RBFOX1: variants seen among roughly 807,000 people sequenced by gnomAD.
RBFOX1 encodes RNA binding protein fox-1 homolog 1.
In RBFOX1, 8 loss-of-function variants were observed where a neutral mutation model predicts 57.7. That is an observed-to-expected ratio of 0.14 (90% CI 0.08 to 0.25). RBFOX1 has a LOEUF of 0.25. Among genes scored for constraint, RBFOX1 ranks in the 10% least tolerant of loss-of-function variants. The probability of loss-of-function intolerance (pLI) is 1.00; values close to 1 mark genes in which losing one functional copy is unlikely to be tolerated. For missense variants in RBFOX1, 611 were observed against 548.5 expected, an observed-to-expected ratio of 1.11 and a Z score of -1.14; for synonymous variants, 326 against 222.4, an observed-to-expected ratio of 1.47 and a Z score of -4.15.
chr16:5,380,666 G>A (rs905554255), intron 1 of RBFOX1, among the ~76,000 whole-genome samples: 2 of 152,152 alleles, frequency 1.3e-5, no homozygotes, highest in African/African-American at 2.4e-5. Context: ...AGATATTTGA[G>A]GTACAGATGA....
intron 3 of RBFOX1, among the ~76,000 whole-genome samples, chr16:5,698,793 GC>G (rs1344568243): frequency 6.6e-6 from 1 of 152,064 alleles, no homozygotes; most frequent in East Asian, 1.9e-4. Flanking sequence ...ACTGAAATAG[GC>G]TACACCATGA....
chr16:5,397,659 T>C (rs1435535092), intron 1 of RBFOX1, among the ~76,000 whole-genome samples: 2 of 152,204 alleles, frequency 1.3e-5, no homozygotes, highest in Admixed American at 6.5e-5. Context: ...TGCTGTGGTT[T>C]AAAAGAGACT....
chr16:5,997,989 T>C (rs1256257584), intron 4 of RBFOX1, among the ~76,000 whole-genome samples: 2 of 152,214 alleles, frequency 1.3e-5, no homozygotes, highest in African/African-American at 4.8e-5. Flanking sequence ...AGCCGTAACA[T>C]TGGAGTTAAG....
At chr16:6,300,499 A>C (rs2078686111) in intron 1 of RBFOX1, among the ~76,000 whole-genome samples, 1 of 152,158 alleles carries the variant, frequency 6.6e-6, no homozygotes, top group South Asian at 2.1e-4. Flanking sequence ...CTACCTCACA[A>C]AGTTATTAGC....
At chr16:6,614,481 C>G (rs776431139) in intron 2 of RBFOX1, among the ~76,000 whole-genome samples, 2 of 152,186 alleles carry the variant, frequency 1.3e-5, no homozygotes, top group African/African-American at 2.4e-5. Flanking sequence ...ACAGGACAAA[C>G]CAATCACTGC....
At chr16:6,479,233 G>A (rs753494164) in intron 2 of RBFOX1, among the ~76,000 whole-genome samples, 7 of 152,184 alleles carry the variant, frequency 4.6e-5, no homozygotes, top group African/African-American at 7.2e-5. Flanking sequence ...AGTTCTGGAG[G>A]CCTCAGGAAA....
intron 3 of RBFOX1, among the ~76,000 whole-genome samples, chr16:6,847,028 C>G (rs1400169464): frequency 1.3e-5 from 2 of 152,118 alleles, no homozygotes; most frequent in Non-Finnish European, 2.9e-5. Context: ...TTAAATCCCA[C>G]AGCTGCAAAA....
At chr16:5,570,600 G>T (rs2151131098) in intron 2 of RBFOX1, among the ~76,000 whole-genome samples, 1 of 152,264 alleles carries the variant, frequency 6.6e-6, no homozygotes, top group South Asian at 2.1e-4. Flanking sequence ...AGCACTTTGG[G>T]AGGCCAAGGA....
At chr16:7,113,154 T>A (rs543085746) in intron 4 of RBFOX1, among the ~76,000 whole-genome samples, 39 of 152,266 alleles carry the variant, frequency 2.6e-4, no homozygotes, top group African/African-American at 9.1e-4. Context: ...CGTTTTTAAT[T>A]TGTCAACTAA....
At chr16:6,401,756 A>T (rs921732361) in intron 2 of RBFOX1, among the ~76,000 whole-genome samples, 17 of 152,190 alleles carry the variant, frequency 1.1e-4, no homozygotes, top group Admixed American at 9.8e-4. Context: ...TTTACTGTTC[A>T]TGGAAAACAT....
chr16:7,508,278 A>G (rs1443572409), intron 4 of RBFOX1, among the ~76,000 whole-genome samples: 3 of 152,040 alleles, frequency 2.0e-5, no homozygotes, highest in Non-Finnish European at 4.4e-5. Flanking sequence ...GCGCCCGGCC[A>G]GTTGTTTTGT....
intron 1 of RBFOX1, among the ~76,000 whole-genome samples, chr16:5,377,590 G>C (rs1276817409): frequency 6.7e-5 from 10 of 149,112 alleles, no homozygotes; most frequent in African/African-American, 2.5e-4. Context: ...GATGGGGGGA[G>C]AGAGAGAGAA....
intron 2 of RBFOX1, among the ~76,000 whole-genome samples, chr16:6,625,807 T>G (rs1485688716): frequency 6.6e-6 from 1 of 152,228 alleles, no homozygotes; most frequent in Non-Finnish European, 1.5e-5. Flanking sequence ...GAATGATGAT[T>G]ATCAGCTAAT....
At chr16:7,058,794 C>T (rs1455443243) in intron 4 of RBFOX1, among the ~76,000 whole-genome samples, 2 of 152,084 alleles carry the variant, frequency 1.3e-5, no homozygotes, top group African/African-American at 4.8e-5. Context: ...GTTTCCTTGG[C>T]ACACATCGTA....
chr16:6,485,662 CA>C (rs1228033433), intron 2 of RBFOX1, among the ~76,000 whole-genome samples: 1 of 152,140 alleles, frequency 6.6e-6, no homozygotes, highest in Non-Finnish European at 1.5e-5. Flanking sequence ...TCTTTTTAAC[CA>C]AGCAACTAGA....
chr16:5,613,870 C>T (rs987045095), intron 3 of RBFOX1, among the ~76,000 whole-genome samples: 2 of 151,700 alleles, frequency 1.3e-5, no homozygotes, highest in Non-Finnish European at 2.9e-5. Flanking sequence ...AGAAGTCCCT[C>T]TTTCTTCTCT....
chr16:6,783,624 T>C (rs1389165660), intron 3 of RBFOX1, among the ~76,000 whole-genome samples: 1 of 152,114 alleles, frequency 6.6e-6, no homozygotes, highest in African/African-American at 2.4e-5. Context: ...GTAGTTATTA[T>C]TATTTTTCAT....
intron 4 of RBFOX1, among the ~76,000 whole-genome samples, chr16:7,199,735 A>T (rs888096323): frequency 7.9e-5 from 12 of 152,148 alleles, no homozygotes; most frequent in African/African-American, 2.9e-4. Flanking sequence ...TCTTTACTAA[A>T]ATACAAAGAT....
intron 4 of RBFOX1, among the ~76,000 whole-genome samples, chr16:7,303,670 A>G (rs1366337822): frequency 6.6e-6 from 1 of 152,204 alleles, no homozygotes; most frequent in Non-Finnish European, 1.5e-5. Context: ...GAGGAGACAG[A>G]CAGCATCAGA....
Sources: allele counts gnomAD v4.1 joint callset (sites outside exome capture counted in the v4.1 genomes callset), GRCh38; gene constraint gnomAD v4.1.1; transcripts MANE v1.5; gene names NCBI Gene and HGNC (gene_info 2026-07-23, HGNC 2026-07-21).